CELF4: variants seen among roughly 807,000 people sequenced by gnomAD.
CELF4 encodes the protein CUGBP Elav-like family member 4.
A neutral mutation model predicts 59.9 loss-of-function variants in CELF4; 18 were observed. The ratio of observed to expected loss-of-function variants is 0.30; its 90% CI spans 0.21 to 0.45. CELF4 has a LOEUF of 0.45. Ranked by LOEUF, CELF4 falls within the 20% of genes least tolerant of loss-of-function variation. The pLI, the probability that CELF4 is intolerant of heterozygous loss-of-function variation, is 1.00. For synonymous variants in CELF4, 261 were observed against 267.1 expected, an observed-to-expected ratio of 0.98 and a Z score of 0.22; for missense variants, 456 against 689.0, an observed-to-expected ratio of 0.66 and a Z score of 3.79.
chr18:37,521,571 G>A (rs1206547576), intron 1 of CELF4, among the ~76,000 whole-genome samples: 1 of 152,088 alleles, frequency 6.6e-6, no homozygotes, highest in Non-Finnish European at 1.5e-5. Flanking sequence ...AGGTGAAATT[G>A]ACAACATACA....
At position 37,266,518 on chromosome 18, in the gene CELF4, C is replaced by T. The variant is rs185520995; in HGVS notation, c.1165+15G>A. On this transcript the variant is annotated intron_variant, in intron 9 of 12. Transcript: ENST00000420428. ...GGAGTTGGGGAAGGAGCCGTGGGGA[C>T]GCGTGGATACTAACGACCTGCATAC... The T allele has an allele frequency of 1.7e-4, 266 of 1,584,476 alleles. 2 individuals carry two copies. In the East Asian group the frequency reaches 4.2e-3, roughly 25 times the overall value.
rs8099622 is a variant in CELF4 at position 37,402,724 on chromosome 18, C to T, written c.370-80843G>A. ...GAAATTCAAAAAGATCTTTCTCCCC[C>T]CATAACAGAGCTTCCCACCTTGTCC... On this transcript the variant is annotated intron_variant, in intron 2 of 12. Transcript: ENST00000420428. Among the ~76,000 whole-genome samples the T allele has an allele frequency of 3.5e-3, 528 of 152,268 alleles. 4 individuals carry two copies. Among genetic ancestry groups the T allele is most frequent in the African/African-American group, 0.011 (477 of 41,550 alleles).
At position 37,321,818 on chromosome 18, in the gene CELF4, G is replaced by T. The variant is rs148456424; in HGVS notation, c.433C>A (p.Arg145Ser). Reference protein sequence around the residue: ...SESRGGSSCLRQPPSQDRKLF... With the variant: ...SESRGGSSCLSQPPSQDRKLF... ...GGGCCCTCACGTGAAGGGGGCTGGCGCAGGCAGCTACTACCTCCTCGGCTC... is the reference window on the plus strand; with the variant it reads ...GGGCCCTCACGTGAAGGGGGCTGGCTCAGGCAGCTACTACCTCCTCGGCTC... Residue 145 changes from arginine to serine, a missense_variant, in exon 3 of 13, where the codon CGC becomes AGC. By Grantham distance (110) the Arg-to-Ser change is moderately radical (BLOSUM62 -1). Transcript: ENST00000420428. 4 of 1,612,022 alleles carry T rather than the reference G, an allele frequency of 2.5e-6. No homozygotes were observed. Among genetic ancestry groups the T allele is most frequent in the Non-Finnish European group, 3.4e-6 (4 of 1,178,894 alleles).
intron 3 of CELF4, among the ~76,000 whole-genome samples, chr18:37,293,757 A>G (rs900479854): frequency 6.6e-6 from 1 of 152,142 alleles, no homozygotes; most frequent in African/African-American, 2.4e-5. Context: ...AGGTTATCTG[A>G]TGGGCTAGAG....
At chr18:37,335,759 C>T (rs2097751976) in intron 2 of CELF4, among the ~76,000 whole-genome samples, 1 of 152,110 alleles carries the variant, frequency 6.6e-6, no homozygotes, top group Non-Finnish European at 1.5e-5. Flanking sequence ...CTTAGAGACT[C>T]TGCCTGTGGC....
intron 12 of CELF4, among the ~76,000 whole-genome samples, chr18:37,252,251 C>CAAA (rs1250974133): frequency 6.6e-6 from 1 of 152,290 alleles, no homozygotes; most frequent in East Asian, 1.9e-4. Flanking sequence ...GGCCAAAAGC[C>CAAA]TGGGACTCAT....
Position 37,244,279 on chromosome 18 carries a change from G to C in CELF4, c.*963C>G, listed in dbSNP as rs1307316361. On this transcript the variant is annotated 3_prime_UTR_variant, in exon 13 of 13. Transcript: ENST00000420428. ...ATGATTTTAAGAGGGGGAAGAGTTA[G>C]AAGCATTTACAGACTTTTCACAACA... is the stretch of plus-strand genomic sequence containing the variant. 6.6e-6 allele frequency: 1 copy of C among 152,022 alleles called. No individual in the cohort carries two copies. Among genetic ancestry groups the C allele is most frequent in the African/African-American group, 2.4e-5 (1 of 41,286 alleles). The allele number at this position is 152,022 out of a possible 1,614,324, so 9.4% of individuals were successfully genotyped here.
At chr18:37,332,377 C>CG (rs1330462512) in intron 2 of CELF4, among the ~76,000 whole-genome samples, 37 of 152,154 alleles carry the variant, frequency 2.4e-4, no homozygotes, top group African/African-American at 8.7e-4. Context: ...CAAATATGCC[C>CG]GGGCAGTTGC....
intron 2 of CELF4, among the ~76,000 whole-genome samples, chr18:37,402,813 TG>T (rs925385617): frequency 2.0e-5 from 3 of 152,188 alleles, no homozygotes; most frequent in Non-Finnish European, 4.4e-5. Context: ...GGCAGCCCTG[TG>T]CCCTTCCACA....
intron 2 of CELF4, among the ~76,000 whole-genome samples, chr18:37,343,561 TA>T (rs2063725708): frequency 6.6e-6 from 1 of 151,938 alleles, no homozygotes; most frequent in African/African-American, 2.4e-5. Context: ...ACCCCTGGTA[TA>T]TGTGGTGCAT....
intron 2 of CELF4, among the ~76,000 whole-genome samples, chr18:37,343,825 A>C (rs1302750723): frequency 6.6e-6 from 1 of 150,972 alleles, no homozygotes; most frequent in Non-Finnish European, 1.5e-5. Context: ...CCCCATCCAG[A>C]CTCCCCACTC....
At chr18:37,307,303 A>C (rs565861009) in intron 3 of CELF4, among the ~76,000 whole-genome samples, 1 of 152,106 alleles carries the variant, frequency 6.6e-6, no homozygotes, top group Non-Finnish European at 1.5e-5. Flanking sequence ...GGCAATCAGC[A>C]CGCTCTGTGA....
chr18:37,550,815 C>T (rs1301229548), intron 1 of CELF4, among the ~76,000 whole-genome samples: 1 of 152,220 alleles, frequency 6.6e-6, no homozygotes, highest in Non-Finnish European at 1.5e-5. Context: ...AGAAAATTCC[C>T]CCCGATTAGA....
At chr18:37,287,211 A>G (rs967935220) in intron 3 of CELF4, among the ~76,000 whole-genome samples, 1 of 151,882 alleles carries the variant, frequency 6.6e-6, no homozygotes, top group Non-Finnish European at 1.5e-5. Flanking sequence ...CTCAGGTGAT[A>G]CCAACATGCA....
intron 2 of CELF4, among the ~76,000 whole-genome samples, chr18:37,418,978 C>T (rs938548365): frequency 6.6e-6 from 1 of 152,168 alleles, no homozygotes; most frequent in African/African-American, 2.4e-5. Flanking sequence ...AGCATAGGTG[C>T]ACATGGTAGG....
At chr18:37,433,676 G>A (rs892334463) in intron 2 of CELF4, among the ~76,000 whole-genome samples, 1 of 152,226 alleles carries the variant, frequency 6.6e-6, no homozygotes, top group Non-Finnish European at 1.5e-5. Context: ...TGGCAAGTGA[G>A]GAGCTCCCTG....
At chr18:37,500,500 C>A (rs2099930308) in intron 1 of CELF4, among the ~76,000 whole-genome samples, 1 of 150,932 alleles carries the variant, frequency 6.6e-6, no homozygotes, top group Non-Finnish European at 1.5e-5. Flanking sequence ...CTTCTCTTTG[C>A]CTTCTAGCTC....
At chr18:37,460,881 TG>T (rs2099791537) in intron 2 of CELF4, among the ~76,000 whole-genome samples, 1 of 151,938 alleles carries the variant, frequency 6.6e-6, no homozygotes, top group Admixed American at 6.6e-5. Flanking sequence ...ATGTGGGAGG[TG>T]GGTCTCTTAA....
intron 1 of CELF4, among the ~76,000 whole-genome samples, chr18:37,532,822 G>C (rs1396212200): frequency 6.6e-6 from 1 of 152,214 alleles, no homozygotes; most frequent in Non-Finnish European, 1.5e-5. Flanking sequence ...AAAGAGAAGA[G>C]AGAACCTCTC....
Sources: gnomAD v4.1 joint callset for allele counts (sites outside exome capture counted in the v4.1 genomes callset) on GRCh38, gnomAD v4.1.1 for gene constraint, MANE v1.5 for transcripts, NCBI Gene and HGNC (gene_info 2026-07-23, HGNC 2026-07-21) for gene names.